The following OR51L1 variants were observed in gnomAD, a reference collection of about 807,000 sequenced individuals.
OR51L1 encodes olfactory receptor family 51 subfamily L member 1.
OR51L1 carries 1 observed loss-of-function variant against 1.4 expected under a neutral mutation model. The observed-to-expected ratio is 0.72, with a 90% CI of 0.26 to 3.42. The LOEUF is 3.42. Ranked by LOEUF, OR51L1 falls within the 30% of genes most tolerant of loss-of-function variation. The pLI is 0.20. For missense variants in OR51L1, 378 were observed against 380.0 expected, an observed-to-expected ratio of 0.99 and a Z score of 0.04; for synonymous variants, 156 against 144.2, an observed-to-expected ratio of 1.08 and a Z score of -0.59.
In OR51L1 at chr11:5,001,429, G is replaced by A. The variant is rs1847130769; in HGVS notation, c.*1499G>A. The A allele has an allele frequency of 6.6e-6, 1 of 152,154 alleles. No homozygotes were observed. Among genetic ancestry groups the A allele is most frequent in the South Asian group, 2.1e-4 (1 of 4,832 alleles). 9.4% of individuals were successfully genotyped at this position (152,154 alleles called of 1,614,324 possible). Reference sequence around the variant, plus strand: ...AGGAATTGTTGAAGAAAGCCTGACAGTACATGTCTAACCATCTGGGCAATT... The same window carrying A: ...AGGAATTGTTGAAGAAAGCCTGACAATACATGTCTAACCATCTGGGCAATT... On this transcript the variant is annotated 3_prime_UTR_variant, in exon 3 of 3. Transcript: ENST00000641819.
Position 5,005,223 on chromosome 11 carries a change from T to G in OR51L1, c.*5293T>G, listed in dbSNP as rs140968193. On this transcript the variant is annotated 3_prime_UTR_variant, in exon 3 of 3. Coordinates refer to ENST00000641819, the MANE Select transcript of OR51L1 (RefSeq NM_001004755.2). ...CGATTATGTCACTTACAAGTTTATC[T>G]TCCCAGGTGCAGAAAAGTCAAGATT... The G allele has an allele frequency of 2.0e-3, 307 of 152,358 alleles. 1 individual carries two copies. The highest frequency in any genetic ancestry group is 6.8e-3 in the African/African-American group (282 of 41,580). The allele number at this position is 152,358 out of a possible 1,614,324, so 9.4% of individuals were successfully genotyped here.
In OR51L1 at chr11:5,003,866, G is replaced by A. The variant is rs367946866; in HGVS notation, c.*3936G>A. On this transcript the variant is annotated 3_prime_UTR_variant, in exon 3 of 3. Coordinates refer to ENST00000641819, the MANE Select transcript of OR51L1 (RefSeq NM_001004755.2). ...AATAGTATGTCTGATGACTAGAAAT[G>A]TTCTTAATTTTAATTAAGTCCAACT... 4 of 152,076 alleles carry A rather than the reference G, an allele frequency of 2.6e-5. No individual in the cohort carries two copies. Among genetic ancestry groups the A allele is most frequent in the East Asian group, 1.9e-4 (1 of 5,172 alleles). 9.4% of individuals were successfully genotyped at this position (152,076 alleles called of 1,614,324 possible).
chr11:4,996,934 T>C (rs1847078762), intron 1 of OR51L1, among the ~76,000 whole-genome samples: 1 of 151,930 alleles, frequency 6.6e-6, no homozygotes, highest in Non-Finnish European at 1.5e-5. Context: ...AAAAATAAAG[T>C]CAGCTAGTGA....
rs1488893359 is a variant in OR51L1, at chr11:4,999,291, G to C, written c.309G>C (p.Leu103=). ...EIQASACYAQ[L]FFIHTFTFLE... is the part of the protein sequence containing the mutation. ...AGGCAAGTGCTTGCTATGCTCAGCT[G>C]TTCTTCATCCACACATTCACATTCC... Residue 103 remains leucine, a synonymous_variant, in exon 3 of 3, where the codon CTG becomes CTC. Transcript: ENST00000641819. 1 of 1,614,178 alleles carries C rather than the reference G, an allele frequency of 6.2e-7. No homozygotes were observed. The highest frequency in any genetic ancestry group is 8.5e-7 in the Non-Finnish European group (1 of 1,180,026).
Position 5,002,670 on chromosome 11 carries a change from A to G in OR51L1, c.*2740A>G, listed in dbSNP as rs1176319979. 1 of 152,102 alleles carries G rather than the reference A, an allele frequency of 6.6e-6. No homozygotes were observed. Among genetic ancestry groups the G allele is most frequent in the East Asian group, 1.9e-4 (1 of 5,182 alleles). 9.4% of individuals were successfully genotyped at this position (152,102 alleles called of 1,614,324 possible). ...TGGAAAGGTCTGGCCCCTTCAGCCC[A>G]GTGAATTTCACTGGGCAATTTTATA... On this transcript the variant is annotated 3_prime_UTR_variant, in exon 3 of 3. Coordinates refer to ENST00000641819, the MANE Select transcript of OR51L1 (RefSeq NM_001004755.2).
At chr11:4,998,011 C>G (rs10837105) in intron 2 of OR51L1, among the ~76,000 whole-genome samples, 44,404 of 151,666 alleles carry the variant, frequency 0.29, 6,717 homozygotes, top group African/African-American at 0.34. Context: ...TCAAAAAAAT[C>G]AATAGAAATA....
Position 4,999,623 on chromosome 11 carries a change from T to C in OR51L1, c.641T>C (p.Ile214Thr). ...ATTGCCACACTAGGTGTGGATTCAA[T>C]CTTCATACTTCTTTCTTATGTTCTG... ...VVIATLGVDSIFILLSYVLIL... is the reference protein window; with the variant it reads ...VVIATLGVDSTFILLSYVLIL... The change falls in exon 3 of 3, where the codon ATC (isoleucine) becomes ACC (threonine). Residue 214 changes from isoleucine to threonine, a missense_variant. By Grantham distance (89) the Ile-to-Thr change is moderately conservative (BLOSUM62 -1). Coordinates refer to ENST00000641819, the MANE Select transcript of OR51L1 (RefSeq NM_001004755.2). 6.2e-7 allele frequency: 1 copy of C among 1,613,954 alleles called. No homozygotes were observed. Among genetic ancestry groups the C allele is most frequent in the South Asian group, 1.1e-5 (1 of 91,064 alleles).
intron 1 of OR51L1, among the ~76,000 whole-genome samples, chr11:4,996,720 CTTTT>C (rs773432169): frequency 3.1e-5 from 2 of 64,984 alleles, no homozygotes; most frequent in African/African-American, 1.1e-4. Context: ...CCTTTCTTTT[CTTTT>C]CTTTCTTTCT....
rs1325165436 is a variant in OR51L1, at chr11:5,000,065, T to A, written c.*135T>A. 2 of 957,956 alleles carry A rather than the reference T, an allele frequency of 2.1e-6. No individual in the cohort carries two copies. Among genetic ancestry groups the A allele is most frequent in the Admixed American group, 3.0e-5 (1 of 33,470 alleles). The allele number at this position is 957,956 out of a possible 1,614,324, so 59.3% of individuals were successfully genotyped here. ...CACTTCTTATACATGTAATTTCAGT[T>A]AATCTTTAACCAATATGAAACTCAG... On this transcript the variant is annotated 3_prime_UTR_variant, in exon 3 of 3. Coordinates refer to ENST00000641819, the MANE Select transcript of OR51L1 (RefSeq NM_001004755.2).
In OR51L1 at chr11:5,001,587, C is replaced by A. The variant is rs1464194980; in HGVS notation, c.*1657C>A. Reference sequence around the variant, plus strand: ...TCTTGTTCTACATGCCTGTGTGGATCTGTAGTATTGTGTTTTTAATCAATT... The same window carrying A: ...TCTTGTTCTACATGCCTGTGTGGATATGTAGTATTGTGTTTTTAATCAATT... On this transcript the variant is annotated 3_prime_UTR_variant, in exon 3 of 3. Coordinates refer to ENST00000641819, the MANE Select transcript of OR51L1 (RefSeq NM_001004755.2). 12 of 152,118 alleles carry A rather than the reference C, an allele frequency of 7.9e-5. No homozygotes were observed. The East Asian group carries it at 2.3e-3, about 29-fold the overall frequency. 9.4% of individuals were successfully genotyped at this position (152,118 alleles called of 1,614,324 possible).
At chr11:4,996,454 G>A (rs778285932) in intron 1 of OR51L1, among the ~76,000 whole-genome samples, 23 of 152,116 alleles carry the variant, frequency 1.5e-4, no homozygotes, top group Non-Finnish European at 2.8e-4. Context: ...TCTAAACATC[G>A]CAATCTGCAC....
At position 4,998,917 on chromosome 11, in the gene OR51L1, C is replaced by T; in HGVS notation, c.-66C>T. Reference sequence around the variant, plus strand: ...CATTATTTGTACTCAAAAGAGATAACTTTGAGGGATCAGGAAGGAAAACAC... The same window carrying T: ...CATTATTTGTACTCAAAAGAGATAATTTTGAGGGATCAGGAAGGAAAACAC... On this transcript the variant is annotated 5_prime_UTR_variant, in exon 3 of 3. Transcript: ENST00000641819. 6.5e-7 allele frequency: 1 copy of T among 1,530,400 alleles called. No individual in the cohort carries two copies. The highest frequency in any genetic ancestry group is 8.9e-7 in the Non-Finnish European group (1 of 1,129,814). The allele number at this position is 1,530,400 out of a possible 1,614,324, so 94.8% of individuals were successfully genotyped here.
Position 5,000,016 on chromosome 11 carries a change from A to G in OR51L1, c.*86A>G, listed in dbSNP as rs16908257. ...AAAGTAAAATATCTGGGTGTTGCTC[A>G]TCTGGTTAAAATCCTAATTCTTTCA... On this transcript the variant is annotated 3_prime_UTR_variant, in exon 3 of 3. Coordinates refer to ENST00000641819, the MANE Select transcript of OR51L1 (RefSeq NM_001004755.2). The G allele has an allele frequency of 2.9e-3, 3,764 of 1,293,072 alleles. 93 individuals are homozygous for G. The African/African-American group carries it at 0.048, about 17-fold the overall frequency. The allele number at this position is 1,293,072 out of a possible 1,614,324, so 80.1% of individuals were successfully genotyped here. A position where few individuals can be genotyped will look rare whatever the true frequency, so the allele number is the denominator to read the frequency against.
Position 4,999,198 on chromosome 11 carries a change from C to T in OR51L1, c.216C>T (p.Asp72=), listed in dbSNP as rs1847100707. ...YYFISILAVN[D]LGMSLSTLPT... ...TTATTTCCATCTTAGCAGTGAATGA[C>T]CTGGGGATGTCCCTGTCTACACTTC... The change falls in exon 3 of 3, where the codon GAC becomes GAT. Residue 72 remains aspartate (D), a synonymous_variant. Coordinates refer to ENST00000641819, the MANE Select transcript of OR51L1 (RefSeq NM_001004755.2). The T allele has an allele frequency of 6.2e-7, 1 of 1,614,084 alleles. No individual in the cohort carries two copies. Among genetic ancestry groups the T allele is most frequent in the Non-Finnish European group, 8.5e-7 (1 of 1,179,982 alleles).
At position 4,999,495 on chromosome 11, in the gene OR51L1, C is replaced by T; in HGVS notation, c.513C>T (p.Cys171=). 2 of 1,614,082 alleles carry T rather than the reference C, an allele frequency of 1.2e-6. No individual in the cohort carries two copies. The highest frequency in any genetic ancestry group is 2.2e-5 in the East Asian group (1 of 44,854). The change falls in exon 3 of 3, where the codon TGC becomes TGT. Residue 171 remains cysteine (C), a synonymous_variant. Coordinates refer to ENST00000641819, the MANE Select transcript of OR51L1 (RefSeq NM_001004755.2). ...TGCTACTGAGACACTATCACTACTG[C>T]CATGGCAATGCCCTCTCTCACGCCT... ...TPLLLRHYHY[C]HGNALSHAFC...
rs1847104895 is a variant in OR51L1, at chr11:4,999,386, C to T, written c.404C>T (p.Pro135Leu). The T allele has an allele frequency of 6.2e-7, 1 of 1,614,034 alleles. No individual in the cohort carries two copies. Among genetic ancestry groups the T allele is most frequent in the Non-Finnish European group, 8.5e-7 (1 of 1,180,028 alleles). ...FVAICHPLHY[P>L]TILTNSVIGK... ...GCTATCTGCCATCCACTGCACTACCCCACCATCCTCACCAACAGTGTAATT... is the reference window on the plus strand; with the variant it reads ...GCTATCTGCCATCCACTGCACTACCTCACCATCCTCACCAACAGTGTAATT... The change falls in exon 3 of 3, where the codon CCC (proline) becomes CTC (leucine). Residue 135 changes from proline to leucine, a missense_variant. Pro to Leu is a moderately conservative substitution (Grantham distance 98). Transcript: ENST00000641819.
chr11:4,998,840 C>T lies in OR51L1; in HGVS notation c.-143C>T. On this transcript the variant is annotated 5_prime_UTR_variant, in exon 3 of 3. Transcript: ENST00000641819. ...TTTACATAGGGCCGACAAGAGATACCAGCTTCCTTCCTCTGTGAGGTTAGA... is the reference window on the plus strand; with the variant it reads ...TTTACATAGGGCCGACAAGAGATACTAGCTTCCTTCCTCTGTGAGGTTAGA... The T allele has an allele frequency of 2.3e-6, 2 of 875,560 alleles. No individual in the cohort carries two copies. The highest frequency in any genetic ancestry group is 1.9e-5 in the South Asian group (1 of 53,548). The allele number at this position is 875,560 out of a possible 1,614,324, so 54.2% of individuals were successfully genotyped here.
intron 2 of OR51L1, 32 bp from the exon 3 acceptor site, chr11:4,998,792 C>A: frequency 1.8e-6 from 1 of 568,012 alleles, no homozygotes; most frequent in South Asian, 3.2e-5. Context: ...AGAATTTGTG[C>A]TCCTTAATAT....
Position 4,999,634 on chromosome 11 carries a change from C to A in OR51L1, c.652C>A (p.Leu218Ile). The change falls in exon 3 of 3, where the codon CTT (leucine) becomes ATT (isoleucine). Residue 218 changes from leucine (L) to isoleucine (I), a missense_variant. Leu to Ile is a conservative substitution (Grantham distance 5). Coordinates refer to ENST00000641819, the MANE Select transcript of OR51L1 (RefSeq NM_001004755.2). ...TLGVDSIFIL[L>I]SYVLILNTVL... is the part of the protein sequence containing the mutation. ...AGGTGTGGATTCAATCTTCATACTTCTTTCTTATGTTCTGATTCTTAATAC... is the reference window on the plus strand; with the variant it reads ...AGGTGTGGATTCAATCTTCATACTTATTTCTTATGTTCTGATTCTTAATAC... The A allele has an allele frequency of 6.2e-7, 1 of 1,613,952 alleles. No individual in the cohort carries two copies. Among genetic ancestry groups the A allele is most frequent in the Non-Finnish European group, 8.5e-7 (1 of 1,179,912 alleles).
Sources: gnomAD v4.1 joint callset for allele counts (sites outside exome capture counted in the v4.1 genomes callset) on GRCh38, gnomAD v4.1.1 for gene constraint, MANE v1.5 for transcripts, NCBI Gene and HGNC (gene_info 2026-07-23, HGNC 2026-07-21) for gene names.